Variants in DAPK2 observed in about 807,000 individuals in gnomAD.
The protein encoded by DAPK2 is death-associated protein kinase 2.
In DAPK2, 35 loss-of-function variants were observed where a neutral mutation model predicts 44.1. The ratio of observed to expected loss-of-function variants is 0.79; its 90% CI spans 0.61 to 1.05. The LOEUF (loss-of-function observed/expected upper bound fraction) is 1.05. DAPK2 is among the 50% of genes least tolerant of loss of function. The pLI is 0.00. For synonymous variants in DAPK2, 174 were observed against 182.6 expected, an observed-to-expected ratio of 0.95 and a Z score of 0.38; for missense variants, 453 against 483.2, an observed-to-expected ratio of 0.94 and a Z score of 0.59.
chr15:63,945,778 G>C (rs1567224133), intron 3 of DAPK2, among the ~76,000 whole-genome samples: 1 of 152,212 alleles, frequency 6.6e-6, no homozygotes, highest in Non-Finnish European at 1.5e-5. Context: ...TCAAGCTCTG[G>C]GCTCTGCAGT....
intron 7 of DAPK2, among the ~76,000 whole-genome samples, chr15:63,925,676 G>GCGCGCA (rs1555463517): frequency 3.9e-5 from 2 of 51,374 alleles, no homozygotes; most frequent in African/African-American, 1.2e-4. Flanking sequence ...CTGACTTGTA[G>GCGCGCA]CGCACACACA....
rs780820462 is a variant in DAPK2 at position 63,939,081 on chromosome 15, C to G, written c.583+151G>C. On this transcript the variant is annotated intron_variant, in intron 4 of 10. Transcript: ENST00000261891. The surrounding 1 kb of genome is among the most constrained non-coding windows in gnomAD (Gnocchi z 4.3). ...GCCCTCATCCCCAGGCCCAATAAGA[C>G]ATTTCCTTCCCCACCCATTAGGTTT... 1 of 1,400,758 alleles carries G rather than the reference C, an allele frequency of 7.1e-7. No homozygotes were observed. The highest frequency in any genetic ancestry group is 9.5e-7 in the Non-Finnish European group (1 of 1,049,628). The allele number at this position is 1,400,758 out of a possible 1,614,324, so 86.8% of individuals were successfully genotyped here. A position where few individuals can be genotyped will look rare whatever the true frequency, so the allele number is the denominator to read the frequency against.
At chr15:63,926,134 T>C in intron 6 of DAPK2, 41 bp from the exon 8 acceptor site, 1 of 1,566,076 alleles carries the variant, frequency 6.4e-7, no homozygotes, top group Non-Finnish European at 8.7e-7. Context: ...TAAGGGAAAG[T>C]AGGTGGAAAT....
At position 64,020,783 on chromosome 15, in the gene DAPK2, G is replaced by A. The variant is rs1269577864; in HGVS notation, c.92+19387C>T. Among the ~76,000 whole-genome samples the A allele has an allele frequency of 6.6e-6, 1 of 152,162 alleles. No homozygotes were observed. The highest frequency in any genetic ancestry group is 1.5e-5 in the Non-Finnish European group (1 of 68,022). ...GGTACTAGAAGGAATAAATCAAAAG[G>A]GAAAGGATAGGTAACTTGGTGTGAT... On this transcript the variant is annotated intron_variant, in intron 1 of 10. Coordinates refer to ENST00000261891, the Ensembl canonical transcript of DAPK2. The surrounding 1 kb of genome is among the most constrained non-coding windows in gnomAD (Gnocchi z 4.5).
upstream of DAPK2, among the ~76,000 whole-genome samples, chr15:64,042,446 CA>C (rs1468821271): frequency 6.6e-6 from 1 of 152,116 alleles, no homozygotes; most frequent in Non-Finnish European, 1.5e-5. This position sits in a 1 kb window ranked among gnomAD's most constrained non-coding sequence, Gnocchi z 4.7. Flanking sequence ...CAGGAAACTC[CA>C]AAAAAATTCT....
intron 1 of DAPK2, among the ~76,000 whole-genome samples, chr15:64,035,291 T>A (rs1383013253): frequency 6.6e-6 from 1 of 152,168 alleles, no homozygotes; most frequent in Non-Finnish European, 1.5e-5. Context: ...TAGTTGTCTA[T>A]GTGGAAGTTC....
At position 63,923,333 on chromosome 15, in the gene DAPK2, T is replaced by C. The variant is rs1213819423; in HGVS notation, c.858+1483A>G. On this transcript the variant is annotated intron_variant, in intron 8 of 10. Transcript: ENST00000261891. This position sits in a 1 kb window ranked among gnomAD's most constrained non-coding sequence, Gnocchi z 4.2. ...CTTCCGCTGTTCAGGGGCTCTGCCT[T>C]CTCCTTTTGACTGGTGGGTGTTCAG... 6.5e-6 allele frequency: 10 copies of C among 1,534,818 alleles called. No homozygotes were observed. The Admixed American group carries it at 2.0e-4, about 30-fold the overall frequency.
chr15:63,924,830 G>T (rs761783860), exon 8 of DAPK2: 33 of 1,614,252 alleles, frequency 2.0e-5, no homozygotes, highest in Non-Finnish European at 2.6e-5. Flanking sequence ...ATCCAGGGGT[G>T]TCTGAGAGCC....
chr15:63,982,316 G>A (rs960478546), intron 2 of DAPK2, among the ~76,000 whole-genome samples: 1 of 149,144 alleles, frequency 6.7e-6, no homozygotes, highest in Non-Finnish European at 1.5e-5. Context: ...TCAGCCTCCC[G>A]AGTAGCTGGG....
At chr15:63,983,418 T>C (rs772881450) in intron 2 of DAPK2, 115 bp downstream of exon 3, 191 of 899,430 alleles carry the variant, frequency 2.1e-4, no homozygotes, top group Non-Finnish European at 3.1e-4. Flanking sequence ...TCACCTCCTC[T>C]GGGCTGAGCT....
At chr15:63,976,166 G>C (rs11855951) in intron 2 of DAPK2, among the ~76,000 whole-genome samples, 2,390 of 152,254 alleles carry the variant, frequency 0.016, 62 homozygotes, top group African/African-American at 0.055. Context: ...CTCTTGTTCA[G>C]CACTATCAAC....
chr15:63,922,380 A>G (rs761297966), intron 8 of DAPK2: 42 of 1,048,278 alleles, frequency 4.0e-5, no homozygotes, highest in Non-Finnish European at 4.8e-5. Context: ...TAAGGTATGT[A>G]GGCAGAAAGT....
chr15:63,959,028 A>C (rs987492770), intron 3 of DAPK2, among the ~76,000 whole-genome samples: 13 of 151,996 alleles, frequency 8.6e-5, no homozygotes, highest in Non-Finnish European at 1.5e-4. Flanking sequence ...CTTTTATTTC[A>C]TTGAGCAGTG....
rs888543854 is a variant in DAPK2, at chr15:63,917,667, A to G, written c.859-5470T>C. 2 of 152,156 alleles carry G rather than the reference A, an allele frequency of 1.3e-5. No individual in the cohort carries two copies. The highest frequency in any genetic ancestry group is 4.8e-5 in the African/African-American group (2 of 41,420). The allele number at this position is 152,156 out of a possible 1,614,324, so 9.4% of individuals were successfully genotyped here. On this transcript the variant is annotated intron_variant, in intron 8 of 10. Transcript: ENST00000261891. The surrounding 1 kb of genome is among the most constrained non-coding windows in gnomAD (Gnocchi z 4.4). ...TGTAATCTCCCTCTCTTTAATCTCC[A>G]TTCAACTGTTCCAAGTTCCTAACCC...
At chr15:64,017,603 T>C (rs1361322531) in intron 1 of DAPK2, among the ~76,000 whole-genome samples, 1 of 152,234 alleles carries the variant, frequency 6.6e-6, no homozygotes, top group Non-Finnish European at 1.5e-5. Flanking sequence ...GACTCAACTA[T>C]GATGCTGCCT....
At chr15:63,953,469 C>T (rs2077644205) in intron 3 of DAPK2, among the ~76,000 whole-genome samples, 1 of 152,118 alleles carries the variant, frequency 6.6e-6, no homozygotes, top group Non-Finnish European at 1.5e-5. Context: ...TTTTATGGCT[C>T]AATAGTACTT....
At chr15:64,046,381 GCGCGGCGGGAACGGGGGA>G, upstream of DAPK2, 15 of 374,628 alleles carry the variant, frequency 4.0e-5, no homozygotes, top group Non-Finnish European at 5.1e-5. This position sits in a 1 kb window ranked among gnomAD's most constrained non-coding sequence, Gnocchi z 5.3. Context: ...GGCGCGGCGG[GCGCGGCGGGAACGGGGGA>G]CGCGGCGGGG....
chr15:64,040,170 C>G, exon 1 of DAPK2: 1 of 1,613,152 alleles, frequency 6.2e-7, no homozygotes, highest in Non-Finnish European at 8.5e-7. Context: ...AGTCTCCTAC[C>G]TCCCCAGCTC....
At chr15:64,015,566 A>G (rs986440146) in intron 1 of DAPK2, among the ~76,000 whole-genome samples, 2 of 152,352 alleles carry the variant, frequency 1.3e-5, no homozygotes, top group South Asian at 4.1e-4. Context: ...CCCCTGGCAC[A>G]TGTGACCATG....
Sources: allele counts gnomAD v4.1 joint callset (sites outside exome capture counted in the v4.1 genomes callset), GRCh38; gene constraint gnomAD v4.1.1; non-coding constraint Gnocchi (gnomAD v3.1); transcripts MANE v1.5; gene names NCBI Gene and HGNC (gene_info 2026-07-23, HGNC 2026-07-21).